MAP4K3: variants seen among roughly 807,000 people sequenced by gnomAD.
MAP4K3 encodes MAPK/ERK kinase kinase kinase 3.
In MAP4K3, 94 loss-of-function variants were observed where a neutral mutation model predicts 143.5. That is an observed-to-expected ratio of 0.65 (90% CI 0.55 to 0.78). The LOEUF (loss-of-function observed/expected upper bound fraction) is 0.78, where lower values mean the gene tolerates loss of function less well. MAP4K3 is among the 30% of genes least tolerant of loss of function. The pLI is 0.00. For synonymous variants in MAP4K3, 416 were observed against 347.2 expected (o/e 1.20, Z -2.20); for missense variants, 1,077 against 1,068.1 (o/e 1.01, Z -0.12).
intron 26 of MAP4K3, among the ~76,000 whole-genome samples, chr2:39,269,967 C>T (rs539332279): frequency 1.3e-5 from 2 of 152,124 alleles, no homozygotes; most frequent in Non-Finnish European, 1.5e-5. Flanking sequence ...ACACTCTTAA[C>T]GAATCTGCTT....
chr2:39,394,715 G>A (rs898515988), intron 1 of MAP4K3, among the ~76,000 whole-genome samples: 11 of 152,136 alleles, frequency 7.2e-5, no homozygotes, highest in African/African-American at 2.7e-4. Flanking sequence ...CCAGATTATG[G>A]AGAAACGAAG....
intron 3 of MAP4K3, among the ~76,000 whole-genome samples, chr2:39,352,857 T>C (rs565941026): frequency 3.3e-4 from 51 of 152,326 alleles, no homozygotes; most frequent in South Asian, 1.5e-3. Flanking sequence ...CTACATTTGC[T>C]CAGTTTTCTT....
At chr2:39,287,517 G>T (rs961982561) in intron 20 of MAP4K3, among the ~76,000 whole-genome samples, 1 of 151,882 alleles carries the variant, frequency 6.6e-6, no homozygotes, top group African/African-American at 2.4e-5. Flanking sequence ...TGGTCAGGCT[G>T]GTCTCAAACT....
chr2:39,260,541 G>A (rs1036695729), intron 29 of MAP4K3, 65 bp downstream of exon 29: 1 of 1,367,222 alleles, frequency 7.3e-7, no homozygotes, highest in Non-Finnish European at 1.0e-6. Flanking sequence ...AAGAGATACA[G>A]TAAACTTACT....
Position 39,250,581 on chromosome 2 carries a change from T to C in MAP4K3, c.*37A>G, listed in dbSNP as rs1254571870. ...CATTAATGTTGCAGTGGTAGTGTTC[T>C]TTCTTTCTAGAGTTAACTGTCAAAG... is the stretch of plus-strand genomic sequence containing the variant. On this transcript the variant is annotated 3_prime_UTR_variant, in exon 34 of 34. Transcript: ENST00000263881. 1.3e-6 allele frequency: 2 copies of C among 1,583,846 alleles called. No homozygotes were observed. The highest frequency in any genetic ancestry group is 1.7e-6 in the Non-Finnish European group (2 of 1,153,624).
At chr2:39,338,932 T>G (rs903998928) in intron 4 of MAP4K3, among the ~76,000 whole-genome samples, 2 of 152,212 alleles carry the variant, frequency 1.3e-5, no homozygotes, top group East Asian at 3.8e-4. Flanking sequence ...AGAAATAAAT[T>G]TCTGTTGTTT....
At position 39,253,316 on chromosome 2, in the gene MAP4K3, TAC is replaced by T. The variant is rs1680220058; in HGVS notation, c.2541+1132_2541+1133del. 4.6e-5 allele frequency among the ~76,000 whole-genome samples: 7 copies of T among 152,270 alleles called. No homozygotes were observed. In the South Asian group the frequency reaches 1.5e-3, roughly 32 times the overall value. ...GCCTGGCTAATTTTTCTATTTTTAG[TAC>T]AGACGAGGTTTCACCATGTTGGCCA... is the stretch of plus-strand genomic sequence containing the variant. On this transcript the variant is annotated intron_variant, in intron 32 of 33. Coordinates refer to ENST00000263881, the MANE Select transcript of MAP4K3 (RefSeq NM_003618.4).
chr2:39,432,246 T>C (rs1665313614), intron 1 of MAP4K3, among the ~76,000 whole-genome samples: 1 of 152,186 alleles, frequency 6.6e-6, no homozygotes, highest in Non-Finnish European at 1.5e-5. Context: ...ATTAGATACG[T>C]TTCACCAATA....
At chr2:39,417,330 C>T (rs1036375172) in intron 1 of MAP4K3, among the ~76,000 whole-genome samples, 26 of 152,016 alleles carry the variant, frequency 1.7e-4, no homozygotes, top group Non-Finnish European at 3.1e-4. Flanking sequence ...CGCCATTCTC[C>T]GGCCTCAGCC....
intron 15 of MAP4K3, among the ~76,000 whole-genome samples, chr2:39,300,355 A>C (rs2148489032): frequency 6.6e-6 from 1 of 152,330 alleles, no homozygotes; most frequent in South Asian, 2.1e-4. Flanking sequence ...ATAATTTTTT[A>C]AGCAAAACTT....
rs576629874 is a variant in MAP4K3 at position 39,426,502 on chromosome 2, G to C, written c.96+10390C>G. Among the ~76,000 whole-genome samples, 28 of 151,810 alleles carry C rather than the reference G, an allele frequency of 1.8e-4. No individual in the cohort carries two copies. In the South Asian group the frequency reaches 5.6e-3, roughly 30 times the overall value. On this transcript the variant is annotated intron_variant, in intron 1 of 33. Coordinates refer to ENST00000263881, the MANE Select transcript of MAP4K3 (RefSeq NM_003618.4). The stretch of plus-strand genomic sequence containing the variant: ...AGTTTAAGTAAATGTCTTTCATTTT[G>C]AGAATACACATCAAAGTATTTATGG...
At chr2:39,267,726 G>A (rs910400209) in intron 26 of MAP4K3, among the ~76,000 whole-genome samples, 4 of 151,222 alleles carry the variant, frequency 2.6e-5, no homozygotes, top group Admixed American at 1.3e-4. Flanking sequence ...CCTTCTCATG[G>A]CCCCCAATCA....
chr2:39,293,350 T>C, intron 16 of MAP4K3, 82 bp from the exon 17 acceptor site: 2 of 916,812 alleles, frequency 2.2e-6, no homozygotes, highest in African/African-American at 1.7e-5. Flanking sequence ...ATTTTAACCT[T>C]AACCATACAT....
At chr2:39,259,054 G>A (rs1015009001) in intron 29 of MAP4K3, among the ~76,000 whole-genome samples, 1 of 150,564 alleles carries the variant, frequency 6.6e-6, no homozygotes, top group Non-Finnish European at 1.5e-5. Flanking sequence ...ATGCTGTGGT[G>A]TGATCATGGC....
intron 23 of MAP4K3, among the ~76,000 whole-genome samples, chr2:39,279,978 C>G (rs1270002781): frequency 6.6e-6 from 1 of 151,840 alleles, no homozygotes; most frequent in Non-Finnish European, 1.5e-5. Flanking sequence ...AAAAAAGATA[C>G]CAGACTACTG....
chr2:39,344,117 T>C (rs1455384069), intron 3 of MAP4K3, among the ~76,000 whole-genome samples: 1 of 152,228 alleles, frequency 6.6e-6, no homozygotes, highest in South Asian at 2.1e-4. Context: ...CAAGCTCTAA[T>C]GCAGAAGAAA....
At chr2:39,424,647 T>C (rs1665006437) in intron 1 of MAP4K3, among the ~76,000 whole-genome samples, 1 of 151,704 alleles carries the variant, frequency 6.6e-6, no homozygotes, top group African/African-American at 2.4e-5. Flanking sequence ...CAAGGCAACA[T>C]AGTGAGACCT....
chr2:39,398,040 A>T (rs1426382875), intron 1 of MAP4K3, among the ~76,000 whole-genome samples: 2 of 152,110 alleles, frequency 1.3e-5, no homozygotes, highest in Non-Finnish European at 2.9e-5. Context: ...TGCTGCTGAA[A>T]TGCAAAATGC....
At chr2:39,392,046 T>C (rs1558683819) in intron 1 of MAP4K3, among the ~76,000 whole-genome samples, 1 of 151,572 alleles carries the variant, frequency 6.6e-6, no homozygotes, top group Non-Finnish European at 1.5e-5. Context: ...CTGGGCATGG[T>C]AGGTAGCGCG....
Sources: allele counts gnomAD v4.1 joint callset (sites outside exome capture counted in the v4.1 genomes callset), GRCh38; gene constraint gnomAD v4.1.1; transcripts MANE v1.5; gene names NCBI Gene and HGNC (gene_info 2026-07-23, HGNC 2026-07-21).